TERF1: variants seen among roughly 807,000 people sequenced by gnomAD.
The protein encoded by TERF1 is telomeric repeat binding factor 1, also known as telomeric repeat-binding factor 1.
A neutral mutation model predicts 55.1 loss-of-function variants in TERF1; 20 were observed. The ratio of observed to expected loss-of-function variants is 0.36; its 90% CI spans 0.26 to 0.53. The LOEUF (loss-of-function observed/expected upper bound fraction) is 0.53. Among genes scored for constraint, TERF1 ranks in the 20% least tolerant of loss-of-function variants. The probability of loss-of-function intolerance (pLI) is 0.91; values close to 1 mark genes in which losing one functional copy is unlikely to be tolerated. For synonymous variants in TERF1, 168 were observed against 181.2 expected, an observed-to-expected ratio of 0.93 and a Z score of 0.59; for missense variants, 439 against 535.7, an observed-to-expected ratio of 0.82 and a Z score of 1.78.
At chr8:73,037,785 ATAAT>A (rs1293542095) in intron 8 of TERF1, among the ~76,000 whole-genome samples, 6 of 49,266 alleles carry the variant, frequency 1.2e-4, no homozygotes, top group Non-Finnish European at 2.6e-4. Flanking sequence ...TATATTATAT[ATAAT>A]ATATAGTATA....
intron 6 of TERF1, among the ~76,000 whole-genome samples, chr8:73,028,627 T>C (rs1466563099): frequency 7.5e-6 from 1 of 133,342 alleles, no homozygotes; most frequent in African/African-American, 2.8e-5. Context: ...CATGAACTCC[T>C]CCCTGTCCAC....
chr8:73,037,950 CAT>C (rs1276452608), intron 8 of TERF1, among the ~76,000 whole-genome samples: 2 of 120,578 alleles, frequency 1.7e-5, no homozygotes, highest in Non-Finnish European at 3.3e-5. Context: ...ATATATAAAA[CAT>C]ATATATATTT....
rs536306268 is a variant in TERF1, at chr8:73,045,840, G to T, written c.1144-121G>T. The T allele has an allele frequency of 3.1e-5, 22 of 698,958 alleles. No homozygotes were observed. The South Asian group carries it at 7.5e-4, about 24-fold the overall frequency. 43.3% of individuals were successfully genotyped at this position (698,958 alleles called of 1,614,324 possible). On this transcript the variant is annotated intron_variant, in intron 9 of 9. Coordinates refer to ENST00000276603, the MANE Select transcript of TERF1 (RefSeq NM_017489.3). ...TTTAAAAATCTAAGAAATGTTTAGA[G>T]AAGTCTTCCGTCTTTAAGAAACTAA... is the stretch of plus-strand genomic sequence containing the variant.
intron 1 of TERF1, chr8:73,010,155 A>G (rs572331387): frequency 6.6e-6 from 1 of 152,350 alleles, no homozygotes; most frequent in African/African-American, 2.4e-5. Flanking sequence ...TTATAATACT[A>G]TAATTATGCT....
intron 9 of TERF1, among the ~76,000 whole-genome samples, chr8:73,044,231 A>G (rs1809944890): frequency 6.6e-6 from 1 of 152,212 alleles, no homozygotes; most frequent in African/African-American, 2.4e-5. Context: ...ATAGCCATGT[A>G]CTTGTAAGCA....
intron 2 of TERF1, among the ~76,000 whole-genome samples, chr8:73,016,350 G>A (rs948597747): frequency 1.3e-5 from 2 of 151,892 alleles, no homozygotes; most frequent in Non-Finnish European, 2.9e-5. Flanking sequence ...TTGGGGTGAT[G>A]TGGCTGTAGA....
intron 5 of TERF1, 46 bp downstream of exon 5, chr8:73,025,017 C>T (rs773606172): frequency 2.0e-5 from 23 of 1,172,926 alleles, no homozygotes; most frequent in African/African-American, 4.8e-5. Flanking sequence ...TTAAAGGAAA[C>T]GTTATAATAA....
chr8:73,022,343 T>A (rs376812116), intron 4 of TERF1, 41 bp downstream of exon 4: 7 of 1,285,662 alleles, frequency 5.4e-6, no homozygotes, highest in Non-Finnish European at 7.6e-6. Context: ...TAGAAGTGTT[T>A]ATGTAGAGTG....
chr8:73,009,519 C>A lies in TERF1; in HGVS notation c.319+314C>A, dbSNP rs1344888953. 4 of 316,570 alleles carry A rather than the reference C, an allele frequency of 1.3e-5. No individual in the cohort carries two copies. In the South Asian group the frequency reaches 2.1e-4, roughly 17 times the overall value. 19.6% of individuals were successfully genotyped at this position (316,570 alleles called of 1,614,324 possible). On this transcript the variant is annotated intron_variant, in intron 1 of 9. Coordinates refer to ENST00000276603, the MANE Select transcript of TERF1 (RefSeq NM_017489.3). The stretch of plus-strand genomic sequence containing the variant: ...GTACCTTTGTCTCTTTTGGCGCTTT[C>A]TACTCAGGTATTCCTGTAGTAATAT...
In TERF1 at chr8:73,024,855, C is replaced by A. The variant is rs772414283; in HGVS notation, c.658C>A (p.Gln220Lys). ...FKSKLLMIIS[Q>K]KDTFHSFFQH... ...AAGCAAATTGCTTATGATAATCTCT[C>A]AGAAAGATACATTTCATTCCTTTTT... The change falls in exon 5 of 10, where the codon CAG becomes AAG. Residue 220 changes from glutamine (Q) to lysine (K), a missense_variant. Physicochemically the swap from Gln to Lys is moderately conservative, Grantham distance 53. Around this residue, in one of 4 missense-constraint regions of TERF1, gnomAD observed 95 missense variants for 167.2 expected, o/e 0.57. Coordinates refer to ENST00000276603, the MANE Select transcript of TERF1 (RefSeq NM_017489.3). The A allele has an allele frequency of 8.8e-6, 14 of 1,586,826 alleles. No homozygotes were observed. The African/African-American group carries it at 1.8e-4, about 20-fold the overall frequency.
chr8:73,027,874 G>A (rs1809085645), intron 6 of TERF1, among the ~76,000 whole-genome samples: 1 of 152,118 alleles, frequency 6.6e-6, no homozygotes, highest in African/African-American at 2.4e-5. Flanking sequence ...GATCTACACT[G>A]CATTTGTCAC....
chr8:73,039,469 A>G (rs1051622240), intron 9 of TERF1, among the ~76,000 whole-genome samples: 1 of 152,216 alleles, frequency 6.6e-6, no homozygotes, highest in Non-Finnish European at 1.5e-5. Context: ...TGATACTATC[A>G]TAAAATCTGT....
chr8:73,030,134 A>T, intron 6 of TERF1: 2 of 384,794 alleles, frequency 5.2e-6, no homozygotes, highest in Non-Finnish European at 9.2e-6. Context: ...GTTTGGAGAA[A>T]CTTGGTTTAA....
rs79146495 is a variant in TERF1, at chr8:73,038,134, C to G, written c.1040-982C>G. On this transcript the variant is annotated intron_variant, in intron 8 of 9. Coordinates refer to ENST00000276603, the MANE Select transcript of TERF1 (RefSeq NM_017489.3). ...GTAAAGCTTTATAATTTACTACATA[C>G]AAATGTATCACTTTTGATAAAGTTA... 6.1e-3 allele frequency among the ~76,000 whole-genome samples: 928 copies of G among 151,016 alleles called. 6 individuals carry two copies. The highest frequency in any genetic ancestry group is 0.011 in the Non-Finnish European group (721 of 67,834).
intron 8 of TERF1, among the ~76,000 whole-genome samples, chr8:73,033,591 A>T (rs1809385295): frequency 6.6e-6 from 1 of 152,130 alleles, no homozygotes; most frequent in African/African-American, 2.4e-5. Context: ...AAAATTAGCC[A>T]GGCATGGTGG....
At chr8:73,039,002 T>C (rs1204160557) in intron 8 of TERF1, 114 bp from the exon 9 acceptor site, 11 of 843,098 alleles carry the variant, frequency 1.3e-5, no homozygotes, top group Non-Finnish European at 2.0e-5. Context: ...GTTAAACATG[T>C]ACTTTTTCTT....
At chr8:73,037,846 T>C (rs562492976) in intron 8 of TERF1, among the ~76,000 whole-genome samples, 1,051 of 97,460 alleles carry the variant, frequency 0.011, 28 homozygotes, top group African/African-American at 0.038. Flanking sequence ...ATATATATAA[T>C]ATATAATATA....
At chr8:73,029,357 G>T (rs1809177089) in intron 6 of TERF1, among the ~76,000 whole-genome samples, 1 of 152,134 alleles carries the variant, frequency 6.6e-6, no homozygotes, top group African/African-American at 2.4e-5. Flanking sequence ...AGGAACAGTG[G>T]CTCACACCTG....
intron 2 of TERF1, among the ~76,000 whole-genome samples, chr8:73,014,872 T>G (rs1808432423): frequency 6.6e-6 from 1 of 152,104 alleles, no homozygotes; most frequent in African/African-American, 2.4e-5. Flanking sequence ...TGGATAGAAC[T>G]AGATAGAGGC....
Sources: allele counts gnomAD v4.1 joint callset (sites outside exome capture counted in the v4.1 genomes callset), GRCh38; gene constraint gnomAD v4.1.1; regional missense constraint gnomAD v4.1.1; transcripts MANE v1.5; gene names NCBI Gene and HGNC (gene_info 2026-07-23, HGNC 2026-07-21).